Variants in ANO2 observed in about 807,000 individuals in gnomAD.
ANO2 encodes the protein anoctamin-2.
ANO2 carries 101 observed loss-of-function variants against 124.2 expected under a neutral mutation model. That is an observed-to-expected ratio of 0.81 (90% CI 0.69 to 0.96). The LOEUF is 0.96. ANO2 is among the 40% of genes least tolerant of loss of function. The pLI, the probability that ANO2 is intolerant of heterozygous loss-of-function variation, is 0.00. For missense variants in ANO2, 1,293 were observed against 1,274.5 expected (o/e 1.01, Z -0.22); for synonymous variants, 486 against 482.5 (o/e 1.01, Z -0.09).
intron 14 of ANO2, among the ~76,000 whole-genome samples, chr12:5,723,966 A>G (rs1473861382): frequency 6.6e-6 from 1 of 152,032 alleles, no homozygotes; most frequent in Non-Finnish European, 1.5e-5. Context: ...TGACTCCCCA[A>G]CCGCCCTTCA....
intron 7 of ANO2, among the ~76,000 whole-genome samples, chr12:5,823,962 A>G (rs1216087901): frequency 6.6e-6 from 1 of 152,222 alleles, no homozygotes; most frequent in Non-Finnish European, 1.5e-5. Flanking sequence ...CTCTGAAGCC[A>G]CAGCCTGAGC....
intron 14 of ANO2, among the ~76,000 whole-genome samples, chr12:5,651,914 C>A (rs938994823): frequency 2.6e-5 from 4 of 152,196 alleles, no homozygotes; most frequent in Non-Finnish European, 5.9e-5. Context: ...CATGTGGTTG[C>A]ATGTCTTGGT....
chr12:5,794,134 T>C (rs1952778490), intron 10 of ANO2, among the ~76,000 whole-genome samples: 1 of 152,226 alleles, frequency 6.6e-6, no homozygotes, highest in South Asian at 2.1e-4. Flanking sequence ...AAGAATAGAC[T>C]TCAGGCCTAT....
intron 20 of ANO2, among the ~76,000 whole-genome samples, chr12:5,593,526 T>A (rs1387294323): frequency 6.6e-6 from 1 of 152,126 alleles, no homozygotes; most frequent in African/African-American, 2.4e-5. Context: ...CATTCTTTAA[T>A]AATTAGGGCA....
chr12:5,676,767 A>G (rs186901290), intron 14 of ANO2, among the ~76,000 whole-genome samples: 81 of 152,332 alleles, frequency 5.3e-4, no homozygotes, highest in Non-Finnish European at 1.0e-3. Flanking sequence ...AAAAAGAAGG[A>G]AACAGGCTGG....
intron 14 of ANO2, among the ~76,000 whole-genome samples, chr12:5,663,724 C>G (rs1947558573): frequency 6.6e-6 from 1 of 152,144 alleles, no homozygotes. Context: ...TCATCAGCCC[C>G]CTCCAACTCC....
At chr12:5,856,749 T>A (rs2137258809) in intron 3 of ANO2, 1 of 152,310 alleles carries the variant, frequency 6.6e-6, no homozygotes, top group South Asian at 2.1e-4. Flanking sequence ...AGCCCTGGGA[T>A]GCCTTTAGAT....
At chr12:5,917,646 C>CA (rs959524715) in intron 3 of ANO2, among the ~76,000 whole-genome samples, 83 of 149,768 alleles carry the variant, frequency 5.5e-4, no homozygotes, top group African/African-American at 1.7e-3. Context: ...CAGCTCACTG[C>CA]AACTTCCACC....
At chr12:5,605,378 T>G (rs913262970) in intron 19 of ANO2, among the ~76,000 whole-genome samples, 1 of 152,244 alleles carries the variant, frequency 6.6e-6, no homozygotes. Flanking sequence ...AGAAAGTTTA[T>G]GAAATCTTAC....
intron 1 of ANO2, among the ~76,000 whole-genome samples, chr12:5,935,791 T>C (rs1565795147): frequency 6.6e-6 from 1 of 152,196 alleles, no homozygotes; most frequent in Non-Finnish European, 1.5e-5. Context: ...GGTTAAAATA[T>C]TGATGTCTGG....
chr12:5,926,310 C>T (rs796978693), intron 1 of ANO2, among the ~76,000 whole-genome samples: 7 of 152,298 alleles, frequency 4.6e-5, no homozygotes, highest in African/African-American at 1.7e-4. Context: ...ACGGCGATGC[C>T]CTCCTAACAG....
At chr12:5,755,652 G>A (rs986018342) in intron 10 of ANO2, among the ~76,000 whole-genome samples, 5 of 152,002 alleles carry the variant, frequency 3.3e-5, no homozygotes, top group South Asian at 4.2e-4. Context: ...GAGAACATGC[G>A]GTGTTTGGTT....
At chr12:5,915,176 TA>T (rs1172074789) in intron 3 of ANO2, among the ~76,000 whole-genome samples, 2 of 152,212 alleles carry the variant, frequency 1.3e-5, no homozygotes, top group Admixed American at 1.3e-4. Context: ...CTGTCACCCA[TA>T]AGCATCTCCA....
rs1279317195 is a variant in ANO2 at position 5,563,518 on chromosome 12, G to A, written c.2778C>T (p.Ile926=). 2 of 1,613,988 alleles carry A rather than the reference G, an allele frequency of 1.2e-6. No homozygotes were observed. The stretch of plus-strand genomic sequence containing the variant: ...TGATCTGGTCGCTGATGTCCGTGGG[G>A]ATGTCTGGAATCATCCAGTCCACGA... ...SVLVDWMIPD[I]PTDISDQIKK... is the part of the protein sequence containing the mutation. The change falls in exon 25 of 25, where the codon ATC becomes ATT. Residue 926 remains isoleucine, a synonymous_variant. Transcript: ENST00000682330.
At chr12:5,707,963 G>A (rs1949676487) in intron 14 of ANO2, among the ~76,000 whole-genome samples, 1 of 152,144 alleles carries the variant, frequency 6.6e-6, no homozygotes, top group Non-Finnish European at 1.5e-5. Context: ...CTGAGCTCTG[G>A]ACCCAACTGC....
chr12:5,594,800 T>C (rs1178524185), intron 20 of ANO2, among the ~76,000 whole-genome samples: 1 of 152,164 alleles, frequency 6.6e-6, no homozygotes, highest in Non-Finnish European at 1.5e-5. Context: ...ATGGTGCCAC[T>C]GCACTCCAGC....
chr12:5,892,138 TA>T (rs1024601271), intron 3 of ANO2, among the ~76,000 whole-genome samples: 1 of 151,508 alleles, frequency 6.6e-6, no homozygotes, highest in African/African-American at 2.4e-5. Context: ...ATAACTGAAT[TA>T]AAAAACTCAC....
chr12:5,864,387 G>T (rs150585532), intron 3 of ANO2, among the ~76,000 whole-genome samples: 36 of 152,374 alleles, frequency 2.4e-4, no homozygotes, highest in African/African-American at 8.7e-4. Context: ...GTAGGCTGGC[G>T]CCTGGGCTTC....
At chr12:5,727,811 CTT>C (rs78477563) in intron 14 of ANO2, among the ~76,000 whole-genome samples, 2 of 124,484 alleles carry the variant, frequency 1.6e-5, no homozygotes, top group African/African-American at 3.0e-5. Context: ...CTACTTTTTT[CTT>C]TTTTTTTTTT....
Sources: allele counts gnomAD v4.1 joint callset (sites outside exome capture counted in the v4.1 genomes callset), GRCh38; gene constraint gnomAD v4.1.1; transcripts MANE v1.5; gene names NCBI Gene and HGNC (gene_info 2026-07-23, HGNC 2026-07-21).